Variants in FAM184A observed in about 807,000 individuals in gnomAD.
FAM184A encodes protein FAM184A.
A neutral mutation model predicts 143.8 loss-of-function variants in FAM184A; 99 were observed. The observed-to-expected ratio is 0.69, with a 90% CI of 0.58 to 0.81. The LOEUF is 0.81. Ranked by LOEUF, FAM184A falls within the 40% of genes least tolerant of loss-of-function variation. FAM184A has a pLI of 0.00. For synonymous variants in FAM184A, 427 were observed against 446.4 expected (o/e 0.96, Z 0.55); for missense variants, 1,217 against 1,310.5 (o/e 0.93, Z 1.10).
intron 1 of FAM184A, among the ~76,000 whole-genome samples, chr6:119,027,823 CTTTGT>C (rs1344181250): frequency 6.6e-6 from 1 of 152,156 alleles, no homozygotes; most frequent in Non-Finnish European, 1.5e-5. Context: ...AGCTATTACC[CTTTGT>C]TTTATTAGTA....
upstream of FAM184A, among the ~76,000 whole-genome samples, chr6:119,082,176 A>T (rs2114808184): frequency 6.6e-6 from 1 of 152,282 alleles, no homozygotes; most frequent in Middle Eastern, 3.4e-3. Context: ...TGAAGGGACT[A>T]TGCCCTTCCC....
intron 11 of FAM184A, among the ~76,000 whole-genome samples, chr6:118,977,672 G>T (rs12527291): frequency 0.34 from 52,450 of 152,032 alleles, 10,007 homozygotes; most frequent in East Asian, 0.68. Context: ...ACAGGGTAAT[G>T]GTTGCCAGGT....
chr6:119,088,983 G>A (rs2114817257), intron 1 of FAM184A, among the ~76,000 whole-genome samples: 1 of 152,124 alleles, frequency 6.6e-6, no homozygotes. Flanking sequence ...GTAAAATGAG[G>A]AGATTGGACT....
At chr6:119,053,975 G>C (rs1333244444) in intron 1 of FAM184A, among the ~76,000 whole-genome samples, 2 of 152,050 alleles carry the variant, frequency 1.3e-5, no homozygotes, top group African/African-American at 4.8e-5. Flanking sequence ...CGAATATTAC[G>C]ATGTGCTCCC....
intron 1 of FAM184A, among the ~76,000 whole-genome samples, chr6:119,148,229 C>T (rs1261250481): frequency 1.3e-5 from 2 of 152,160 alleles, no homozygotes; most frequent in African/African-American, 4.8e-5. Context: ...CCAGGCAGGG[C>T]TTGGCTGGAC....
intron 5 of FAM184A, among the ~76,000 whole-genome samples, chr6:119,015,355 C>T (rs541605591): frequency 2.6e-5 from 4 of 152,200 alleles, no homozygotes; most frequent in East Asian, 3.9e-4. Context: ...TGAGGCTGCA[C>T]GCAGCACTTG....
chr6:119,096,871 G>T (rs555217398), intron 1 of FAM184A, among the ~76,000 whole-genome samples: 37 of 152,190 alleles, frequency 2.4e-4, no homozygotes, highest in Admixed American at 1.2e-3. Flanking sequence ...ACGTCAGAAG[G>T]CATGGGCTGG....
At chr6:119,108,658 T>C (rs963779708) in intron 1 of FAM184A, among the ~76,000 whole-genome samples, 2 of 152,082 alleles carry the variant, frequency 1.3e-5, no homozygotes, top group Non-Finnish European at 2.9e-5. Flanking sequence ...CCTCTGGAGG[T>C]TGGGTTGGTT....
chr6:119,108,151 G>GT (rs1554197077), intron 1 of FAM184A, among the ~76,000 whole-genome samples: 3 of 130,266 alleles, frequency 2.3e-5, no homozygotes, highest in African/African-American at 8.8e-5. Flanking sequence ...GTGTGTGTGT[G>GT]GTGTGTAGGG....
chr6:119,026,910 C>T (rs1031825331), intron 1 of FAM184A, among the ~76,000 whole-genome samples: 3 of 152,102 alleles, frequency 2.0e-5, no homozygotes, highest in Non-Finnish European at 4.4e-5. Context: ...AATCTCCTTC[C>T]CATACTCGGT....
intron 1 of FAM184A, among the ~76,000 whole-genome samples, chr6:119,145,045 C>T (rs1161229516): frequency 2.0e-5 from 3 of 152,204 alleles, no homozygotes; most frequent in African/African-American, 4.8e-5. Flanking sequence ...CTCTGCTGAC[C>T]TCTAGGCATG....
chr6:119,021,263 G>T (rs1032146687), intron 3 of FAM184A, among the ~76,000 whole-genome samples: 1 of 152,132 alleles, frequency 6.6e-6, no homozygotes, highest in Non-Finnish European at 1.5e-5. Context: ...AAAATCAAAT[G>T]AGATCCTCAA....
chr6:119,070,600 AT>A (rs1329884913), intron 1 of FAM184A, among the ~76,000 whole-genome samples: 1 of 151,134 alleles, frequency 6.6e-6, no homozygotes, highest in East Asian at 2.0e-4. Flanking sequence ...CATTTATAAC[AT>A]TGTTTTTCTT....
chr6:119,023,554 C>CA (rs1562477904), intron 2 of FAM184A, among the ~76,000 whole-genome samples: 7 of 80,036 alleles, frequency 8.7e-5, no homozygotes, highest in African/African-American at 3.1e-4. Flanking sequence ...CAATATTGTC[C>CA]GCCCCCCCCC....
At chr6:119,065,946 G>A (rs1787438100) in intron 1 of FAM184A, among the ~76,000 whole-genome samples, 2 of 152,154 alleles carry the variant, frequency 1.3e-5, no homozygotes, top group Admixed American at 1.3e-4. Flanking sequence ...TAAGAATCAG[G>A]AGAAAGTTCT....
At chr6:119,056,499 T>C (rs1470687386) in intron 1 of FAM184A, among the ~76,000 whole-genome samples, 1 of 152,216 alleles carries the variant, frequency 6.6e-6, no homozygotes, top group East Asian at 1.9e-4. Flanking sequence ...GTCTTATCCA[T>C]GGACATTACT....
intron 1 of FAM184A, among the ~76,000 whole-genome samples, chr6:119,135,298 A>T (rs114728956): frequency 0.013 from 1,907 of 152,286 alleles, 39 homozygotes; most frequent in African/African-American, 0.044. Flanking sequence ...AGAATGGTCA[A>T]TACCCAATAC....
chr6:118,980,015 C>G (rs893247371), intron 10 of FAM184A, 123 bp downstream of exon 10: 1 of 717,998 alleles, frequency 1.4e-6, no homozygotes, highest in Non-Finnish European at 2.3e-6. Flanking sequence ...GCTGCTGCAC[C>G]TCAGCCTGGG....
At chr6:119,079,223 C>G (rs1391885848), upstream of FAM184A, 5 of 152,084 alleles carry the variant, frequency 3.3e-5, no homozygotes, top group Non-Finnish European at 7.3e-5. Flanking sequence ...CCCGAGTGCC[C>G]GGCCACTGCC....
Sources: allele counts gnomAD v4.1 joint callset (sites outside exome capture counted in the v4.1 genomes callset), GRCh38; gene constraint gnomAD v4.1.1; transcripts MANE v1.5; gene names NCBI Gene and HGNC (gene_info 2026-07-23, HGNC 2026-07-21).